The following PLEKHA2 variants were observed in gnomAD, a reference collection of about 807,000 sequenced individuals.
PLEKHA2 encodes pleckstrin homology domain containing A2.
PLEKHA2 carries 28 observed loss-of-function variants against 53.2 expected under a neutral mutation model. That is an observed-to-expected ratio of 0.53 (90% CI 0.39 to 0.72). The LOEUF (loss-of-function observed/expected upper bound fraction) is 0.72, where lower values mean the gene tolerates loss of function less well. Ranked by LOEUF, PLEKHA2 falls within the 30% of genes least tolerant of loss-of-function variation. The probability of loss-of-function intolerance (pLI) is 0.00; values close to 1 mark genes in which losing one functional copy is unlikely to be tolerated. For missense variants in PLEKHA2, 426 were observed against 537.9 expected (o/e 0.79, Z 2.06); for synonymous variants, 193 against 196.4 (o/e 0.98, Z 0.14).
intron 11 of PLEKHA2, chr8:38,968,873 A>T: frequency 4.2e-6 from 2 of 474,954 alleles, no homozygotes; most frequent in Non-Finnish European, 3.7e-6. Flanking sequence ...GAGGTGAGGT[A>T]GGGTTAGATA....
At chr8:38,953,547 G>T (rs1422073423) in intron 9 of PLEKHA2, among the ~76,000 whole-genome samples, 180 bp downstream of exon 9, 1 of 152,172 alleles carries the variant, frequency 6.6e-6, no homozygotes, top group African/African-American at 2.4e-5. Context: ...AGACCGCCCT[G>T]GGCACACTTG....
At chr8:38,914,232 C>T (rs1008646046) in intron 1 of PLEKHA2, among the ~76,000 whole-genome samples, 8 of 152,240 alleles carry the variant, frequency 5.3e-5, no homozygotes, top group Non-Finnish European at 1.0e-4. Context: ...TCTCCAGTCC[C>T]CCTGACCTCA....
At chr8:38,936,195 G>A (rs1834491925) in intron 3 of PLEKHA2, 145 bp downstream of exon 3, 1 of 877,504 alleles carries the variant, frequency 1.1e-6, no homozygotes, top group African/African-American at 1.7e-5. Flanking sequence ...CACAATGCCT[G>A]TGGAGGCTTA....
intron 1 of PLEKHA2, among the ~76,000 whole-genome samples, chr8:38,913,383 A>AG (rs1272846116): frequency 6.6e-6 from 1 of 151,466 alleles, no homozygotes; most frequent in East Asian, 1.9e-4. Context: ...AAAAAAAAAA[A>AG]AAAGAAAAAG....
intron 1 of PLEKHA2, among the ~76,000 whole-genome samples, chr8:38,903,484 C>T (rs1023199309): frequency 1.3e-5 from 2 of 152,096 alleles, no homozygotes; most frequent in Admixed American, 6.5e-5. Context: ...ATATTCAGCT[C>T]GGTATTTTTG....
At chr8:38,955,154 C>T (rs962801436) in intron 9 of PLEKHA2, among the ~76,000 whole-genome samples, 5 of 152,144 alleles carry the variant, frequency 3.3e-5, no homozygotes, top group African/African-American at 1.2e-4. Flanking sequence ...GTGGTGCACC[C>T]ATCTGCAGCA....
intron 10 of PLEKHA2, among the ~76,000 whole-genome samples, chr8:38,958,840 C>T (rs898566685): frequency 3.3e-5 from 5 of 152,012 alleles, no homozygotes; most frequent in South Asian, 2.1e-4. Context: ...GAACAGATCC[C>T]GAACCCAAGA....
chr8:38,937,311 C>T (rs541126446), intron 3 of PLEKHA2, among the ~76,000 whole-genome samples: 3 of 152,324 alleles, frequency 2.0e-5, no homozygotes, highest in South Asian at 4.1e-4. Context: ...TGGCTGCCTC[C>T]CCGGGCCAGA....
chr8:38,930,089 TC>T (rs1297390583), intron 2 of PLEKHA2, among the ~76,000 whole-genome samples: 3 of 152,146 alleles, frequency 2.0e-5, no homozygotes, highest in African/African-American at 4.8e-5. Context: ...CCATATATTT[TC>T]CCCCCTGGGG....
intron 2 of PLEKHA2, among the ~76,000 whole-genome samples, chr8:38,928,221 G>A (rs950198776): frequency 2.7e-5 from 4 of 150,692 alleles, no homozygotes; most frequent in Non-Finnish European, 5.9e-5. Flanking sequence ...CTGAAGCCCA[G>A]GCCTCTGACC....
At chr8:38,915,291 C>T (rs1230611300) in intron 1 of PLEKHA2, among the ~76,000 whole-genome samples, 1 of 152,194 alleles carries the variant, frequency 6.6e-6, no homozygotes, top group African/African-American at 2.4e-5. Flanking sequence ...TAAAGGGTAA[C>T]CGTATTAGGC....
rs772380016 is a variant in PLEKHA2, at chr8:38,952,158, C to T, written c.487-8C>T. ...GGAGGCGCTGATACTGACACTGTTT[C>T]CTTGCAGAACGGTGGGGATGGGCAG... On this transcript the variant is annotated splice_polypyrimidine_tract_variant and splice_region_variant and intron_variant, in intron 6 of 11. Transcript: ENST00000617275. 5.0e-6 allele frequency: 8 copies of T among 1,611,166 alleles called. No individual in the cohort carries two copies. The South Asian group carries it at 7.7e-5, about 16-fold the overall frequency.
chr8:38,961,002 G>A (rs1441699856), intron 10 of PLEKHA2: 1 of 152,140 alleles, frequency 6.6e-6, no homozygotes, highest in Non-Finnish European at 1.5e-5. Context: ...TCAAAATGTT[G>A]ACACATTTTA....
chr8:38,944,198 C>A (rs1834664780), intron 4 of PLEKHA2, among the ~76,000 whole-genome samples: 2 of 151,686 alleles, frequency 1.3e-5, no homozygotes, highest in Admixed American at 1.3e-4. Context: ...TAAAGAAATA[C>A]CTGAGACTGG....
chr8:38,942,307 G>T (rs1339989901), intron 3 of PLEKHA2, among the ~76,000 whole-genome samples: 1 of 152,126 alleles, frequency 6.6e-6, no homozygotes, highest in Non-Finnish European at 1.5e-5. Flanking sequence ...GGAGGGTGAG[G>T]TGGAAGGATC....
At chr8:38,958,451 TC>T (rs1175189845) in intron 10 of PLEKHA2, among the ~76,000 whole-genome samples, 1 of 152,202 alleles carries the variant, frequency 6.6e-6, no homozygotes, top group Non-Finnish European at 1.5e-5. Context: ...CGAGTGTCAC[TC>T]CCTGTTAAGC....
intron 2 of PLEKHA2, among the ~76,000 whole-genome samples, chr8:38,932,976 C>T (rs1022658866): frequency 2.6e-5 from 4 of 152,128 alleles, no homozygotes; most frequent in African/African-American, 9.7e-5. Context: ...TCTCTCTGAA[C>T]AGGGAGAGCT....
At chr8:38,964,756 A>C (rs1835102128) in intron 10 of PLEKHA2, among the ~76,000 whole-genome samples, 1 of 152,070 alleles carries the variant, frequency 6.6e-6, no homozygotes, top group Non-Finnish European at 1.5e-5. Flanking sequence ...GGAAAACAGA[A>C]ATGAATAGCA....
Position 38,928,474 on chromosome 8 carries a change from C to T in PLEKHA2, c.142-7520C>T, listed in dbSNP as rs139277271. Among the ~76,000 whole-genome samples, 1,324 of 152,036 alleles carry T rather than the reference C, an allele frequency of 8.7e-3. 25 individuals carry two copies. Among genetic ancestry groups the T allele is most frequent in the African/African-American group, 0.03 (1,235 of 41,444 alleles). On this transcript the variant is annotated intron_variant, in intron 2 of 11. Transcript: ENST00000617275. ...ATGTTGGCCAGGTTGGTCTTGAACT[C>T]CTGACCTCAAGTGATCCACCCGCCT...
Sources: allele counts gnomAD v4.1 joint callset (sites outside exome capture counted in the v4.1 genomes callset), GRCh38; gene constraint gnomAD v4.1.1; transcripts MANE v1.5; gene names NCBI Gene and HGNC (gene_info 2026-07-23, HGNC 2026-07-21).